Variants in PATJ observed in about 807,000 individuals in gnomAD.
PATJ encodes inaD-like protein.
A neutral mutation model predicts 224.9 loss-of-function variants in PATJ; 190 were observed. The ratio of observed to expected loss-of-function variants is 0.84; its 90% CI spans 0.75 to 0.95. PATJ has a LOEUF of 0.95. Ranked by LOEUF, PATJ falls within the 40% of genes least tolerant of loss-of-function variation. PATJ has a pLI of 0.00. For synonymous variants in PATJ, 769 were observed against 820.3 expected (o/e 0.94, Z 1.07); for missense variants, 2,121 against 2,270.3 (o/e 0.93, Z 1.34).
intron 28 of PATJ, among the ~76,000 whole-genome samples, chr1:62,011,404 G>A (rs749861815): frequency 6.6e-5 from 10 of 152,160 alleles, no homozygotes; most frequent in Admixed American, 1.3e-4. Context: ...TCTTGGAATC[G>A]GAAGGCCTCG....
At chr1:61,977,603 G>A (rs1320320905) in intron 27 of PATJ, among the ~76,000 whole-genome samples, 1 of 151,944 alleles carries the variant, frequency 6.6e-6, no homozygotes, top group South Asian at 2.1e-4. Context: ...AGGGATGAGG[G>A]GTTGAGTGGG....
At chr1:61,999,782 G>C (rs1645634743) in intron 28 of PATJ, among the ~76,000 whole-genome samples, 1 of 152,196 alleles carries the variant, frequency 6.6e-6, no homozygotes, top group Admixed American at 6.5e-5. Context: ...ATAGGTGAAA[G>C]TTTTGTCATT....
chr1:61,902,825 T>C (rs1671371738), intron 24 of PATJ, among the ~76,000 whole-genome samples: 1 of 151,906 alleles, frequency 6.6e-6, no homozygotes, highest in African/African-American at 2.4e-5. Context: ...GGGTTGGGGA[T>C]GGTGAAAGCA....
chr1:61,881,081 G>A (rs915369266), intron 21 of PATJ, among the ~76,000 whole-genome samples: 20 of 152,170 alleles, frequency 1.3e-4, no homozygotes, highest in African/African-American at 3.9e-4. Context: ...GTGACCAAGC[G>A]AGACCTTGTC....
chr1:62,108,297 CTG>C lies in PATJ; in HGVS notation c.4378-136_4378-135del, dbSNP rs1360503521. ...AATTATACCTCTGAATATATCATAA[CTG>C]TGTATATTGTTTATCTTTATGTCAG... On this transcript the variant is annotated intron_variant, in intron 33 of 43. Transcript: ENST00000642238. 13 of 501,952 alleles carry C rather than the reference CTG, an allele frequency of 2.6e-5. 1 individual carries two copies. In the South Asian group the frequency reaches 3.4e-4, roughly 13 times the overall value. The allele number at this position is 501,952 out of a possible 1,614,324, so 31.1% of individuals were successfully genotyped here. A position where few individuals can be genotyped will look rare whatever the true frequency, so the allele number is the denominator to read the frequency against.
intron 35 of PATJ, among the ~76,000 whole-genome samples, chr1:62,115,154 C>T (rs1664314531): frequency 6.6e-6 from 1 of 152,018 alleles, no homozygotes; most frequent in Non-Finnish European, 1.5e-5. Flanking sequence ...CTAAAAAATA[C>T]AAAAAATTAG....
chr1:61,793,862 G>A (rs974489403), intron 9 of PATJ, among the ~76,000 whole-genome samples: 17 of 151,574 alleles, frequency 1.1e-4, no homozygotes, highest in Admixed American at 2.6e-4. Flanking sequence ...ATATTATTTC[G>A]TTGGCAATGG....
intron 7 of PATJ, 75 bp downstream of exon 7, chr1:61,775,409 C>A: frequency 7.8e-7 from 1 of 1,278,972 alleles, no homozygotes; most frequent in Non-Finnish European, 1.1e-6. Context: ...AATTTTATAA[C>A]ATGAGTTACC....
chr1:61,972,290 A>G (rs1683088928), intron 27 of PATJ, among the ~76,000 whole-genome samples: 1 of 152,024 alleles, frequency 6.6e-6, no homozygotes, highest in Non-Finnish European at 1.5e-5. Flanking sequence ...GCTTCATGCG[A>G]CTGTGACTTC....
At chr1:61,926,688 A>T (rs1571328868) in intron 26 of PATJ, among the ~76,000 whole-genome samples, 1 of 152,262 alleles carries the variant, frequency 6.6e-6, no homozygotes, top group South Asian at 2.1e-4. Context: ...TGGATTTTCT[A>T]CAAGTGTATA....
chr1:61,972,463 A>C (rs774385356), intron 27 of PATJ, among the ~76,000 whole-genome samples: 2 of 152,108 alleles, frequency 1.3e-5, no homozygotes, highest in Non-Finnish European at 2.9e-5. Context: ...TCTTCATTTA[A>C]AAGTTAAATG....
intron 1 of PATJ, among the ~76,000 whole-genome samples, chr1:61,755,161 T>C (rs1177246274): frequency 6.6e-6 from 1 of 151,204 alleles, no homozygotes; most frequent in African/African-American, 2.4e-5. Flanking sequence ...CAAAAAAAAT[T>C]AGCCGGGCGT....
chr1:61,959,618 T>C (rs1680980337), intron 27 of PATJ, among the ~76,000 whole-genome samples: 1 of 151,212 alleles, frequency 6.6e-6, no homozygotes, highest in Non-Finnish European at 1.5e-5. Context: ...TTTAAAAAAT[T>C]CTTTGTAGAG....
chr1:61,893,022 A>G (rs1669823530), intron 22 of PATJ, among the ~76,000 whole-genome samples: 1 of 152,232 alleles, frequency 6.6e-6, no homozygotes, highest in Non-Finnish European at 1.5e-5. Context: ...GCAAATTTAC[A>G]TCTTAATATG....
chr1:61,806,651 T>G (rs1653625444), intron 13 of PATJ, among the ~76,000 whole-genome samples: 2 of 151,538 alleles, frequency 1.3e-5, no homozygotes, highest in Non-Finnish European at 2.9e-5. Context: ...GTCAATACAA[T>G]TCACACTTTC....
In PATJ at chr1:62,123,126, C is replaced by G. The variant is rs77615193; in HGVS notation, c.5043+68C>G. 3.6e-6 allele frequency: 4 copies of G among 1,096,124 alleles called. No homozygotes were observed. The East Asian group carries it at 9.8e-5, about 27-fold the overall frequency. The allele number at this position is 1,096,124 out of a possible 1,614,324, so 67.9% of individuals were successfully genotyped here. ...TGGATTTGCACTAAATGTACATTTT[C>G]CCCAATACAGTTTATTGGATTGTGA... On this transcript the variant is annotated intron_variant, in intron 39 of 43. Transcript: ENST00000642238.
chr1:62,153,308 T>C, intron 42 of PATJ, 50 bp from the exon 43 acceptor site: 6 of 1,201,646 alleles, frequency 5.0e-6, no homozygotes, highest in Non-Finnish European at 6.2e-6. Flanking sequence ...TAAATGAAAT[T>C]CCCTCTCAAT....
chr1:61,848,114 A>C (rs781700769), intron 17 of PATJ, among the ~76,000 whole-genome samples: 24 of 152,214 alleles, frequency 1.6e-4, no homozygotes, highest in Non-Finnish European at 2.8e-4. Flanking sequence ...CTGTCAAATT[A>C]AGTTATAGGA....
intron 28 of PATJ, among the ~76,000 whole-genome samples, chr1:61,990,844 C>G (rs189200116): frequency 6.6e-6 from 1 of 152,156 alleles, no homozygotes; most frequent in East Asian, 1.9e-4. Context: ...ATGGGTAAGG[C>G]TACATAGGTT....
Sources: allele counts gnomAD v4.1 joint callset (sites outside exome capture counted in the v4.1 genomes callset), GRCh38; gene constraint gnomAD v4.1.1; transcripts MANE v1.5; gene names NCBI Gene and HGNC (gene_info 2026-07-23, HGNC 2026-07-21).